Variants in KLF12 observed in about 807,000 individuals in gnomAD.
The protein encoded by KLF12 is Krueppel-like factor 12.
KLF12 carries 9 observed loss-of-function variants against 37.8 expected under a neutral mutation model. The ratio of observed to expected loss-of-function variants is 0.24; its 90% CI spans 0.14 to 0.42. The LOEUF (loss-of-function observed/expected upper bound fraction) is 0.42. KLF12 is among the 10% of genes least tolerant of loss of function. The pLI is 1.00. For synonymous variants in KLF12, 208 were observed against 202.1 expected (o/e 1.03, Z -0.25); for missense variants, 411 against 516.0 (o/e 0.80, Z 1.97).
At chr13:74,165,457 C>A in the KLF12 span, among the ~76,000 whole-genome samples, 1 of 151,882 alleles carries the variant, frequency 6.6e-6, no homozygotes. Flanking sequence ...TGCCACCATG[C>A]CCAGCTAATT....
intron 7 of KLF12, among the ~76,000 whole-genome samples, chr13:73,714,939 T>G (rs572190954): frequency 6.2e-4 from 94 of 152,226 alleles, no homozygotes; most frequent in Non-Finnish European, 2.2e-4. Flanking sequence ...TATCTGTCAT[T>G]TTTTATTTTT....
intron 1 of KLF12, among the ~76,000 whole-genome samples, chr13:74,022,008 G>T (rs1892853447): frequency 6.6e-6 from 1 of 152,194 alleles, no homozygotes; most frequent in South Asian, 2.1e-4. Context: ...GCAAGGAAAT[G>T]AGTGCAGGAT....
At chr13:74,019,391 T>G (rs1212667060) in intron 1 of KLF12, among the ~76,000 whole-genome samples, 2 of 152,234 alleles carry the variant, frequency 1.3e-5, no homozygotes, top group African/African-American at 4.8e-5. Flanking sequence ...TCCATTTCAC[T>G]GTAACTCTCT....
the KLF12 span, among the ~76,000 whole-genome samples, chr13:74,241,200 G>A: frequency 6.6e-6 from 1 of 152,206 alleles, no homozygotes; most frequent in African/African-American, 2.4e-5. Context: ...GGAGTACCCA[G>A]CCATGTGAGG....
chr13:73,927,331 G>C (rs1196387354), intron 3 of KLF12, among the ~76,000 whole-genome samples: 1 of 152,156 alleles, frequency 6.6e-6, no homozygotes, highest in East Asian at 1.9e-4. Context: ...ACAAGTAACA[G>C]TTTTCTTGTA....
chr13:74,056,953 A>C (rs1163749619), intron 1 of KLF12, among the ~76,000 whole-genome samples: 1 of 152,172 alleles, frequency 6.6e-6, no homozygotes, highest in African/African-American at 2.4e-5. Context: ...GAGCAAAAGG[A>C]GGCCCAGAAG....
chr13:73,975,809 A>G (rs1344375481), intron 2 of KLF12, among the ~76,000 whole-genome samples: 1 of 151,978 alleles, frequency 6.6e-6, no homozygotes, highest in Non-Finnish European at 1.5e-5. Context: ...CCTTTGGCTT[A>G]CCTCTAATCA....
At chr13:73,713,720 C>T (rs887051044) in intron 7 of KLF12, among the ~76,000 whole-genome samples, 6 of 152,180 alleles carry the variant, frequency 3.9e-5, no homozygotes, top group African/African-American at 4.8e-5. Context: ...CTGTAAGATG[C>T]AATCCTATAC....
intron 4 of KLF12, among the ~76,000 whole-genome samples, chr13:73,814,202 C>A (rs1883092381): frequency 1.3e-5 from 2 of 152,214 alleles, no homozygotes; most frequent in East Asian, 3.9e-4. Context: ...GAGCTACACA[C>A]CCACACTGTT....
chr13:73,706,281 G>T (rs1398575709), intron 7 of KLF12, among the ~76,000 whole-genome samples: 1 of 152,000 alleles, frequency 6.6e-6, no homozygotes, highest in African/African-American at 2.4e-5. Flanking sequence ...TTTAAATGAG[G>T]TAATAATGGA....
At chr13:73,977,384 C>T (rs1445222179) in intron 2 of KLF12, among the ~76,000 whole-genome samples, 1 of 152,098 alleles carries the variant, frequency 6.6e-6, no homozygotes, top group Non-Finnish European at 1.5e-5. Flanking sequence ...AAAGCATTTA[C>T]AAAAATTACC....
intron 1 of KLF12, among the ~76,000 whole-genome samples, chr13:74,040,754 C>T (rs1396277288): frequency 6.6e-6 from 1 of 152,134 alleles, no homozygotes; most frequent in East Asian, 1.9e-4. Context: ...ACAGTATTCC[C>T]GAAGCTGAGG....
At chr13:74,015,699 C>T (rs1198874342) in intron 1 of KLF12, among the ~76,000 whole-genome samples, 1 of 152,146 alleles carries the variant, frequency 6.6e-6, no homozygotes, top group Non-Finnish European at 1.5e-5. Flanking sequence ...AACACTATTA[C>T]CCAACCTAAT....
At chr13:74,026,602 G>T in intron 1 of KLF12, among the ~76,000 whole-genome samples, 1 of 152,192 alleles carries the variant, frequency 6.6e-6, no homozygotes, top group South Asian at 2.1e-4. Flanking sequence ...TTTAAAAAGG[G>T]TTAAAATAGT....
At chr13:73,908,834 T>C (rs1888438281) in intron 3 of KLF12, among the ~76,000 whole-genome samples, 1 of 152,192 alleles carries the variant, frequency 6.6e-6, no homozygotes, top group Admixed American at 6.5e-5. Context: ...TTGATCTCTA[T>C]GCTATCTGCC....
chr13:74,025,985 G>A (rs186679839), intron 1 of KLF12, among the ~76,000 whole-genome samples: 1 of 152,236 alleles, frequency 6.6e-6, no homozygotes, highest in Admixed American at 6.5e-5. Context: ...TTTCTCTAGT[G>A]AAACAGTTGA....
chr13:74,045,683 A>T (rs1475341876), intron 1 of KLF12, among the ~76,000 whole-genome samples: 1 of 151,616 alleles, frequency 6.6e-6, no homozygotes. Flanking sequence ...TGGAGTTTGC[A>T]TGTTCTCCCA....
Position 74,020,302 on chromosome 13 carries a change from A to C in KLF12, c.-31-25249T>G, listed in dbSNP as rs142660899. On this transcript the variant is annotated intron_variant, in intron 1 of 7. Transcript: ENST00000377669. ...GAATCAAGCTCTCTCAACTCTATTC[A>C]ACCTATCACAGCTGTGCTGAAGAAA... Among the ~76,000 whole-genome samples the C allele has an allele frequency of 3.7e-3, 557 of 152,320 alleles. 3 individuals carry two copies. The highest frequency in any genetic ancestry group is 0.012 in the African/African-American group (512 of 41,576).
At chr13:73,889,507 C>T (rs574440632) in intron 3 of KLF12, among the ~76,000 whole-genome samples, 1 of 152,222 alleles carries the variant, frequency 6.6e-6, no homozygotes, top group South Asian at 2.1e-4. Context: ...TTTAAAATAT[C>T]TCACATAAAT....
Sources: gnomAD v4.1 joint callset for allele counts (sites outside exome capture counted in the v4.1 genomes callset) on GRCh38, gnomAD v4.1.1 for gene constraint, MANE v1.5 for transcripts, NCBI Gene and HGNC (gene_info 2026-07-23, HGNC 2026-07-21) for gene names.